Variants in LIPA observed in about 807,000 individuals in gnomAD.
LIPA encodes lipase A, lysosomal acid type.
In LIPA, 26 loss-of-function variants were observed where a neutral mutation model predicts 40.6. The observed-to-expected ratio is 0.64, with a 90% CI of 0.47 to 0.89. The LOEUF is 0.89. LIPA is among the 40% of genes least tolerant of loss of function. The pLI, the probability that LIPA is intolerant of heterozygous loss-of-function variation, is 0.00. For synonymous variants in LIPA, 188 were observed against 168.4 expected, an observed-to-expected ratio of 1.12 and a Z score of -0.90; for missense variants, 455 against 479.6, an observed-to-expected ratio of 0.95 and a Z score of 0.48.
chr10:89,365,887 A>T (rs1324256322), intron 2 of LIPA, among the ~76,000 whole-genome samples: 5 of 152,200 alleles, frequency 3.3e-5, no homozygotes, highest in South Asian at 2.1e-4. Context: ...GGTAGCATGA[A>T]GCCTCCAGCT....
intron 1 of LIPA, among the ~76,000 whole-genome samples, chr10:89,413,513 G>A (rs1026844671): frequency 2.0e-5 from 3 of 152,142 alleles, no homozygotes; most frequent in African/African-American, 4.8e-5. Flanking sequence ...GGGAGGCCAC[G>A]ATGGGCGGAA....
At chr10:89,256,519 G>T (rs1482568779), upstream of LIPA, among the ~76,000 whole-genome samples, 2 of 152,216 alleles carry the variant, frequency 1.3e-5, no homozygotes, top group Non-Finnish European at 1.5e-5. Context: ...GAAATGATCA[G>T]CCCAGGCAAG....
At chr10:89,295,416 T>G (rs1383051929) in intron 1 of LIPA, among the ~76,000 whole-genome samples, 5 of 152,240 alleles carry the variant, frequency 3.3e-5, no homozygotes, top group Non-Finnish European at 7.3e-5. Context: ...TTTATAGAAG[T>G]AAAAGTATTT....
intron 8 of LIPA, among the ~76,000 whole-genome samples, chr10:89,218,381 C>A (rs1199192928): frequency 6.6e-6 from 1 of 152,158 alleles, no homozygotes; most frequent in Non-Finnish European, 1.5e-5. Flanking sequence ...CAGAAACTGC[C>A]CTTTATGACA....
intron 2 of LIPA, among the ~76,000 whole-genome samples, chr10:89,366,412 C>T (rs1248684934): frequency 1.3e-5 from 2 of 152,166 alleles, no homozygotes; most frequent in African/African-American, 4.8e-5. Flanking sequence ...ATTTGACTTC[C>T]TCTTTTCCTA....
chr10:89,230,059 C>T (rs968621819), intron 3 of LIPA, among the ~76,000 whole-genome samples: 4 of 152,138 alleles, frequency 2.6e-5, no homozygotes, highest in African/African-American at 9.7e-5. Context: ...TTATTTTCTA[C>T]TCACCTGTAC....
intron 1 of LIPA, among the ~76,000 whole-genome samples, chr10:89,315,369 A>G (rs1456233787): frequency 6.6e-6 from 1 of 152,112 alleles, no homozygotes; most frequent in African/African-American, 2.4e-5. Flanking sequence ...GACTATAACA[A>G]CCTCTGAACT....
chr10:89,332,628 GTAAA>G, intron 1 of LIPA: 16 of 1,613,980 alleles, frequency 9.9e-6, no homozygotes, highest in Non-Finnish European at 1.4e-5. Flanking sequence ...CCATCATGAG[GTAAA>G]TAGTCCCTGC....
intron 2 of LIPA, among the ~76,000 whole-genome samples, chr10:89,349,956 A>C (rs1163145033): frequency 2.0e-5 from 3 of 152,196 alleles, no homozygotes; most frequent in African/African-American, 7.2e-5. Context: ...ACTTCCATTC[A>C]AGAAACGGGA....
At chr10:89,396,627 C>A (rs1278844489) in intron 2 of LIPA, among the ~76,000 whole-genome samples, 1 of 152,216 alleles carries the variant, frequency 6.6e-6, no homozygotes, top group Non-Finnish European at 1.5e-5. Context: ...CCAAACACAT[C>A]CCACTAGACC....
At position 89,219,027 on chromosome 10, in the gene LIPA, T is replaced by C. The variant is rs184759158; in HGVS notation, c.895-3018A>G. Among the ~76,000 whole-genome samples the C allele has an allele frequency of 3.6e-3, 547 of 152,316 alleles. 1 individual carries two copies. The highest frequency in any genetic ancestry group is 0.012 in the African/African-American group (488 of 41,558). On this transcript the variant is annotated intron_variant, in intron 8 of 9. Coordinates refer to ENST00000336233, the MANE Select transcript of LIPA (RefSeq NM_000235.4). ...AATATTAATAGTGGCTATTGCTGGG[T>C]GCTAGACATACAAGTCATTTTTCTT...
At chr10:89,306,371 G>T (rs1007244354) in intron 1 of LIPA, 2 of 1,614,052 alleles carry the variant, frequency 1.2e-6, no homozygotes, top group African/African-American at 2.7e-5. Context: ...TCCAGAGCTT[G>T]ACTGTGAGGA....
intron 2 of LIPA, chr10:89,362,687 G>T: frequency 1.5e-6 from 1 of 659,290 alleles, no homozygotes; most frequent in Non-Finnish European, 2.4e-6. Flanking sequence ...TTTGCAAGAA[G>T]TTTGCAAATG....
chr10:89,276,136 A>G (rs753264914), intron 1 of LIPA, among the ~76,000 whole-genome samples: 41 of 152,242 alleles, frequency 2.7e-4, no homozygotes, highest in Non-Finnish European at 5.4e-4. Context: ...ATGCACATTA[A>G]GAAGACACTC....
At chr10:89,414,652 C>A (rs4934478), upstream of LIPA, 359 of 789,918 alleles carry the variant, frequency 4.5e-4, 1 homozygote, top group Non-Finnish European at 6.1e-4. Context: ...AAAGACACGC[C>A]GCGCGGCCGA....
intron 2 of LIPA, among the ~76,000 whole-genome samples, chr10:89,369,913 T>C (rs1383643825): frequency 1.3e-5 from 2 of 152,220 alleles, no homozygotes; most frequent in Non-Finnish European, 2.9e-5. Context: ...CCAGAAAATG[T>C]AGGAAGTTTC....
intron 9 of LIPA, among the ~76,000 whole-genome samples, 181 bp from the exon 10 acceptor site, chr10:89,215,242 C>T (rs942184932): frequency 8.5e-5 from 13 of 152,122 alleles, no homozygotes; most frequent in Admixed American, 2.0e-4. Flanking sequence ...GAAATCTAAC[C>T]CCAAATGAGA....
chr10:89,268,186 CAG>C (rs895404471), intron 1 of LIPA, among the ~76,000 whole-genome samples: 3 of 152,156 alleles, frequency 2.0e-5, no homozygotes, highest in African/African-American at 7.2e-5. Flanking sequence ...AGTGCAGACT[CAG>C]GGGTCAGGCT....
intron 1 of LIPA, among the ~76,000 whole-genome samples, chr10:89,326,223 G>A (rs1363111105): frequency 6.6e-6 from 1 of 152,208 alleles, no homozygotes; most frequent in Non-Finnish European, 1.5e-5. Flanking sequence ...TACAGAAAAT[G>A]TGGTACATTT....
Sources: allele counts gnomAD v4.1 joint callset (sites outside exome capture counted in the v4.1 genomes callset), GRCh38; gene constraint gnomAD v4.1.1; transcripts MANE v1.5; gene names NCBI Gene and HGNC (gene_info 2026-07-23, HGNC 2026-07-21).